The following GATAD2A variants were observed in gnomAD, a reference collection of about 807,000 sequenced individuals.
GATAD2A encodes the protein transcriptional repressor p66-alpha.
In GATAD2A, 12 loss-of-function variants were observed where a neutral mutation model predicts 68.5. The observed-to-expected ratio is 0.18, with a 90% CI of 0.11 to 0.28. The LOEUF is 0.28. Ranked by LOEUF, GATAD2A falls within the 10% of genes least tolerant of loss-of-function variation. The probability of loss-of-function intolerance (pLI) is 1.00; values close to 1 mark genes in which losing one functional copy is unlikely to be tolerated. For synonymous variants in GATAD2A, 410 were observed against 375.3 expected (o/e 1.09, Z -1.07); for missense variants, 755 against 868.5 (o/e 0.87, Z 1.64).
intron 7 of GATAD2A, 54 bp from the exon 8 acceptor site, chr19:19,498,389 C>T: frequency 6.5e-7 from 1 of 1,540,980 alleles, no homozygotes; most frequent in Non-Finnish European, 8.8e-7. Flanking sequence ...CGCTGGGGAG[C>T]CTTCCTCTGG....
At chr19:19,439,574 G>A (rs2054754038) in intron 1 of GATAD2A, among the ~76,000 whole-genome samples, 1 of 152,146 alleles carries the variant, frequency 6.6e-6, no homozygotes, top group South Asian at 2.1e-4. Flanking sequence ...GTGGTCAGGT[G>A]CGGTGGCTCA....
chr19:19,398,871 C>T (rs968529518), intron 1 of GATAD2A, among the ~76,000 whole-genome samples: 1 of 151,710 alleles, frequency 6.6e-6, no homozygotes, highest in African/African-American at 2.4e-5. Flanking sequence ...CCAGCCTGGC[C>T]AACATGGTGA....
intron 1 of GATAD2A, among the ~76,000 whole-genome samples, chr19:19,428,583 G>C (rs1032096872): frequency 6.6e-6 from 1 of 152,150 alleles, no homozygotes; most frequent in Non-Finnish European, 1.5e-5. Flanking sequence ...GTGCTAGGAG[G>C]AAGCTCGTGA....
At chr19:19,428,085 G>A (rs923395770) in intron 1 of GATAD2A, 4 of 152,142 alleles carry the variant, frequency 2.6e-5, no homozygotes, top group Non-Finnish European at 5.9e-5. Context: ...TTCGAGACCA[G>A]TTCCTAGATC....
At position 19,386,728 on chromosome 19, in the gene GATAD2A, C is replaced by G. The variant is rs965906441; in HGVS notation, c.-7+590C>G. On this transcript the variant is annotated intron_variant, in intron 1 of 11. Transcript: ENST00000360315. ...GACCCTGCTTCTCTGAGGGGACAAC[C>G]CCTCTTATCAGGGGCTCCCCCGCCT... Among the ~76,000 whole-genome samples, 13 of 152,176 alleles carry G rather than the reference C, an allele frequency of 8.5e-5. 1 individual carries two copies. In the South Asian group the frequency reaches 2.3e-3, roughly 27 times the overall value.
intron 4 of GATAD2A, 128 bp from the exon 5 acceptor site, chr19:19,494,166 G>A: frequency 1.7e-6 from 1 of 589,392 alleles, no homozygotes; most frequent in Non-Finnish European, 3.1e-6. Context: ...CAGAACCTCT[G>A]AGCGCCTGAT....
At chr19:19,414,445 T>TTG (rs1020350352) in intron 1 of GATAD2A, among the ~76,000 whole-genome samples, 2 of 152,124 alleles carry the variant, frequency 1.3e-5, no homozygotes, top group Non-Finnish European at 2.9e-5. Flanking sequence ...ACTGATGTCT[T>TTG]TGTGGCTTGG....
At position 19,507,297 on chromosome 19, in the gene GATAD2A, C is replaced by T. The variant is rs138632805; in HGVS notation, c.*1823C>T. 5 of 151,822 alleles carry T rather than the reference C, an allele frequency of 3.3e-5. No individual in the cohort carries two copies. The highest frequency in any genetic ancestry group is 1.9e-4 in the East Asian group (1 of 5,172). The allele number at this position is 151,822 out of a possible 1,614,324, so 9.4% of individuals were successfully genotyped here. On this transcript the variant is annotated 3_prime_UTR_variant, in exon 12 of 12. Transcript: ENST00000683918. ...AGAGTATGCAAGCATTTCTATTCCT[C>T]GCATTTTTCTGTGTGCCTGGCAAAT...
At chr19:19,409,921 G>T (rs543656299) in intron 1 of GATAD2A, among the ~76,000 whole-genome samples, 3 of 152,260 alleles carry the variant, frequency 2.0e-5, no homozygotes, top group Admixed American at 2.0e-4. Flanking sequence ...TGGAAATGTA[G>T]GTTAGTCTTT....
chr19:19,486,461 C>T (rs2059435069), intron 2 of GATAD2A, among the ~76,000 whole-genome samples: 2 of 152,210 alleles, frequency 1.3e-5, no homozygotes, highest in East Asian at 3.8e-4. Context: ...CTGCTGCCAT[C>T]TGGGTTTTGG....
At chr19:19,432,893 A>G (rs891708650) in intron 1 of GATAD2A, among the ~76,000 whole-genome samples, 12 of 152,174 alleles carry the variant, frequency 7.9e-5, no homozygotes, top group African/African-American at 2.9e-4. Context: ...AGCAGAGAAT[A>G]TAGTTTGGAG....
At chr19:19,480,738 C>T (rs1475782563) in intron 2 of GATAD2A, among the ~76,000 whole-genome samples, 3 of 152,246 alleles carry the variant, frequency 2.0e-5, no homozygotes, top group African/African-American at 4.8e-5. Flanking sequence ...GAGGTGCACC[C>T]AGCCCCCTCA....
chr19:19,474,253 C>A (rs2058517991), intron 2 of GATAD2A: 5 of 709,352 alleles, frequency 7.0e-6, no homozygotes, highest in Non-Finnish European at 6.9e-6. Flanking sequence ...CCAACCCCGA[C>A]AACCACGTGA....
intron 1 of GATAD2A, among the ~76,000 whole-genome samples, chr19:19,397,026 A>C (rs1038548031): frequency 6.6e-6 from 1 of 152,160 alleles, no homozygotes; most frequent in African/African-American, 2.4e-5. Context: ...TTAAGTGGCT[A>C]GGTGTTCTGA....
intron 2 of GATAD2A, among the ~76,000 whole-genome samples, chr19:19,468,866 A>T (rs992649968): frequency 6.6e-6 from 1 of 152,242 alleles, no homozygotes; most frequent in Admixed American, 6.5e-5. Context: ...TGGAAATGGT[A>T]AATGCATGGG....
At chr19:19,463,422 C>T (rs2057618374) in intron 1 of GATAD2A, among the ~76,000 whole-genome samples, 1 of 152,126 alleles carries the variant, frequency 6.6e-6, no homozygotes, top group Non-Finnish European at 1.5e-5. Flanking sequence ...TCCTCACCTC[C>T]CCCAGAGAAG....
In GATAD2A at chr19:19,475,073, G is replaced by A. The variant is rs182411731; in HGVS notation, c.269+9459G>A. Among the ~76,000 whole-genome samples the A allele has an allele frequency of 2.6e-4, 39 of 152,364 alleles. No homozygotes were observed. In the East Asian group the frequency reaches 6.7e-3, roughly 26 times the overall value. ...ATCGTTGTGTTGGCTGCCTGCATACGGGTGGAGGGGTTGTCTTCACAGCGA... is the reference window on the plus strand; with the variant it reads ...ATCGTTGTGTTGGCTGCCTGCATACAGGTGGAGGGGTTGTCTTCACAGCGA... On this transcript the variant is annotated intron_variant, in intron 2 of 11. Coordinates refer to ENST00000683918, the MANE Select transcript of GATAD2A (RefSeq NM_001384528.1).
Position 19,505,515 on chromosome 19 carries a change from C to A in GATAD2A, c.*41C>A, listed in dbSNP as rs374131882. 1.8e-5 allele frequency: 27 copies of A among 1,534,226 alleles called. No individual in the cohort carries two copies. The East Asian group carries it at 3.2e-4, about 18-fold the overall frequency. On this transcript the variant is annotated 3_prime_UTR_variant, in exon 12 of 12. Transcript: ENST00000683918. ...GTGGAAGACGGGCTCCCTCCTCCCC[C>A]ACCTGGCCCCTGGTCTAGAAGGACC... is the stretch of plus-strand genomic sequence containing the variant.
intron 2 of GATAD2A, among the ~76,000 whole-genome samples, chr19:19,471,369 A>G (rs1010613843): frequency 1.3e-5 from 2 of 152,168 alleles, no homozygotes; most frequent in African/African-American, 2.4e-5. Flanking sequence ...GTGCCATAAC[A>G]TGGCTGAATC....
Sources: gnomAD v4.1 joint callset for allele counts (sites outside exome capture counted in the v4.1 genomes callset) on GRCh38, gnomAD v4.1.1 for gene constraint, MANE v1.5 for transcripts, NCBI Gene and HGNC (gene_info 2026-07-23, HGNC 2026-07-21) for gene names.